The following TTC7B variants were observed in gnomAD, a reference collection of about 807,000 sequenced individuals.
The protein encoded by TTC7B is tetratricopeptide repeat domain 7B.
Under a neutral mutation model 106.8 loss-of-function variants are expected in TTC7B, and 28 were observed. The observed-to-expected ratio is 0.26, with a 90% CI of 0.19 to 0.36. TTC7B has a LOEUF of 0.36. Ranked by LOEUF, TTC7B falls within the 10% of genes least tolerant of loss-of-function variation. TTC7B has a pLI of 1.00. For synonymous variants in TTC7B, 405 were observed against 430.6 expected (o/e 0.94, Z 0.74); for missense variants, 862 against 1,076.4 (o/e 0.80, Z 2.79).
At chr14:90,603,983 A>G (rs1892536858) in intron 17 of TTC7B, among the ~76,000 whole-genome samples, 1 of 152,196 alleles carries the variant, frequency 6.6e-6, no homozygotes, top group African/African-American at 2.4e-5. Flanking sequence ...TGCCCGGGAC[A>G]TACTCCATTC....
Position 90,578,727 on chromosome 14 carries a change from CAGA to C in TTC7B, c.2108-422_2108-420del, listed in dbSNP as rs1405594675. On this transcript the variant is annotated intron_variant, in intron 18 of 19. Transcript: ENST00000328459. The surrounding 1 kb of genome is among the most constrained non-coding windows in gnomAD (Gnocchi z 4.7). ...AGCAGACCAGAGGCACCCAGACCCT[CAGA>C]GGGCAACGGCTCTGCCCTCTGACCC... is the stretch of plus-strand genomic sequence containing the variant. 6.6e-6 allele frequency among the ~76,000 whole-genome samples: 1 copy of C among 152,056 alleles called. No homozygotes were observed. Among genetic ancestry groups the C allele is most frequent in the South Asian group, 2.1e-4 (1 of 4,808 alleles).
intron 1 of TTC7B, among the ~76,000 whole-genome samples, chr14:90,804,318 C>T (rs2030469116): frequency 6.7e-6 from 1 of 149,970 alleles, no homozygotes; most frequent in South Asian, 2.1e-4. Context: ...GGTGACACAG[C>T]GAGACTCCGT....
At chr14:90,541,903 C>A (rs115778659) in intron 19 of TTC7B, among the ~76,000 whole-genome samples, 9 of 152,204 alleles carry the variant, frequency 5.9e-5, no homozygotes, top group Admixed American at 6.5e-5. Flanking sequence ...ACTGACCCAG[C>A]GCGGCGTCAG....
chr14:90,596,213 ACATTTTCTAC>A (rs1892196752), intron 17 of TTC7B, among the ~76,000 whole-genome samples: 1 of 152,202 alleles, frequency 6.6e-6, no homozygotes, highest in Admixed American at 6.5e-5. Context: ...AACATTCCAC[ACATTTTCTAC>A]CAGGTTCTGT....
rs558446030 is a variant in TTC7B, at chr14:90,699,439, A to G, written c.699-3861T>C. 158 of 340,364 alleles carry G rather than the reference A, an allele frequency of 4.6e-4. 2 individuals are homozygous for G. Among genetic ancestry groups the G allele is most frequent in the South Asian group, 3.4e-3 (155 of 45,080 alleles). 21.1% of individuals were successfully genotyped at this position (340,364 alleles called of 1,614,324 possible). ...GTGGGAAAAGACAATTCTTCCCTTT[A>G]ACTTGTCCTTCCAAATTATCTTCAG... On this transcript the variant is annotated intron_variant, in intron 5 of 19. Coordinates refer to ENST00000328459, the MANE Select transcript of TTC7B (RefSeq NM_001010854.2).
intron 5 of TTC7B, among the ~76,000 whole-genome samples, chr14:90,715,887 G>A (rs111629702): frequency 3.4e-3 from 519 of 152,260 alleles, no homozygotes; most frequent in African/African-American, 0.012. Context: ...ATTCACCCAA[G>A]TAGTTAACTA....
rs377350060 is a variant in TTC7B, at chr14:90,710,351, T to C, written c.699-14773A>G. Among the ~76,000 whole-genome samples, 8 of 152,328 alleles carry C rather than the reference T, an allele frequency of 5.3e-5. No individual in the cohort carries two copies. The East Asian group carries it at 1.2e-3, about 22-fold the overall frequency. ...GGATGAGGAATTGCTCTTACAGATA[T>C]ACAAAGAAATAAGTTTCTTGAAATG... is the stretch of plus-strand genomic sequence containing the variant. On this transcript the variant is annotated intron_variant, in intron 5 of 19. Transcript: ENST00000328459.
At chr14:90,627,492 C>T (rs1289815506) in intron 15 of TTC7B, among the ~76,000 whole-genome samples, 1 of 152,234 alleles carries the variant, frequency 6.6e-6, no homozygotes, top group African/African-American at 2.4e-5. Flanking sequence ...TGAAGTTTCT[C>T]AGGGCCAAAG....
chr14:90,603,684 A>T (rs1380797500), intron 17 of TTC7B, among the ~76,000 whole-genome samples: 1 of 152,182 alleles, frequency 6.6e-6, no homozygotes, highest in African/African-American at 2.4e-5. Context: ...GGTTGGGCTA[A>T]TTTTCCCTTC....
chr14:90,568,747 T>C (rs1434376927), intron 19 of TTC7B, among the ~76,000 whole-genome samples: 1 of 151,210 alleles, frequency 6.6e-6, no homozygotes, highest in Non-Finnish European at 1.5e-5. Flanking sequence ...CAAATGATGT[T>C]GTTTTGAGCA....
intron 9 of TTC7B, among the ~76,000 whole-genome samples, chr14:90,660,196 CA>C (rs1019511249): frequency 2.6e-5 from 4 of 151,564 alleles, no homozygotes; most frequent in Non-Finnish European, 5.9e-5. Flanking sequence ...CCAGCTAAGG[CA>C]ACATAGCGAG....
At position 90,570,376 on chromosome 14, in the gene TTC7B, A is replaced by G. The variant is rs1251383973; in HGVS notation, c.2310+7730T>C. Among the ~76,000 whole-genome samples the G allele has an allele frequency of 3.9e-5, 6 of 152,208 alleles. No homozygotes were observed. Among genetic ancestry groups the G allele is most frequent in the Non-Finnish European group, 8.8e-5 (6 of 68,032 alleles). On this transcript the variant is annotated intron_variant, in intron 19 of 19. Coordinates refer to ENST00000328459, the MANE Select transcript of TTC7B (RefSeq NM_001010854.2). The surrounding 1 kb of genome is among the most constrained non-coding windows in gnomAD (Gnocchi z 4.0). ...GCAAACACTCAAAGCCTCTGCACCA[A>G]GGCAGGAGCCCTGGCTGGAGAGAAA...
chr14:90,632,756 A>C (rs1003983848), intron 15 of TTC7B, among the ~76,000 whole-genome samples: 20 of 152,232 alleles, frequency 1.3e-4, no homozygotes, highest in African/African-American at 4.1e-4. Flanking sequence ...ATCTTGGACA[A>C]ATTACTTAAA....
At chr14:90,697,170 T>G (rs1374947071) in intron 5 of TTC7B, among the ~76,000 whole-genome samples, 1 of 152,152 alleles carries the variant, frequency 6.6e-6, no homozygotes, top group African/African-American at 2.4e-5. Flanking sequence ...ATTTACCAGG[T>G]AGAAATCAGG....
intron 16 of TTC7B, among the ~76,000 whole-genome samples, chr14:90,613,658 C>A (rs888016620): frequency 7.9e-5 from 12 of 152,340 alleles, no homozygotes; most frequent in South Asian, 2.1e-4. Context: ...TCAGGCACTT[C>A]TGTGAACCAC....
intron 5 of TTC7B, among the ~76,000 whole-genome samples, chr14:90,728,281 T>C (rs1278458356): frequency 7.2e-6 from 1 of 137,932 alleles, no homozygotes; most frequent in African/African-American, 2.8e-5. Context: ...GCAGATCCCT[T>C]GAGCTCAGGA....
chr14:90,556,955 C>T (rs777243015), intron 19 of TTC7B, among the ~76,000 whole-genome samples: 42 of 152,174 alleles, frequency 2.8e-4, no homozygotes, highest in Admixed American at 6.5e-4. Flanking sequence ...AGGGCTCTGG[C>T]GAGGGAAGCG....
chr14:90,663,584 G>A lies in TTC7B; in HGVS notation c.1153-5197C>T, dbSNP rs989946893. Among the ~76,000 whole-genome samples the A allele has an allele frequency of 6.6e-6, 1 of 152,054 alleles. No individual in the cohort carries two copies. Among genetic ancestry groups the A allele is most frequent in the South Asian group, 2.1e-4 (1 of 4,816 alleles). ...GCACCACGGCAGCCAGTGGTGCCAC[G>A]TCTCCAGCCCATCGCAAAGTTCTCA... On this transcript the variant is annotated intron_variant, in intron 9 of 19. Transcript: ENST00000328459. This position sits in a 1 kb window ranked among gnomAD's most constrained non-coding sequence, Gnocchi z 4.5.
chr14:90,548,174 G>C (rs574202551), intron 19 of TTC7B, among the ~76,000 whole-genome samples: 17 of 152,362 alleles, frequency 1.1e-4, no homozygotes, highest in Non-Finnish European at 2.1e-4. Context: ...TGCAGTGTTA[G>C]TGCAGAGAGC....
Sources: allele counts gnomAD v4.1 joint callset (sites outside exome capture counted in the v4.1 genomes callset), GRCh38; gene constraint gnomAD v4.1.1; non-coding constraint Gnocchi (gnomAD v3.1); transcripts MANE v1.5; gene names NCBI Gene and HGNC (gene_info 2026-07-23, HGNC 2026-07-21).